The following TTBK1 variants were observed in gnomAD, a reference collection of about 807,000 sequenced individuals.
The protein encoded by TTBK1 is tau tubulin kinase 1, also known as tau-tubulin kinase 1.
In TTBK1, 34 loss-of-function variants were observed where a neutral mutation model predicts 108.5. The ratio of observed to expected loss-of-function variants is 0.31; its 90% CI spans 0.24 to 0.42. The LOEUF (loss-of-function observed/expected upper bound fraction) is 0.42. Ranked by LOEUF, TTBK1 falls within the 10% of genes least tolerant of loss-of-function variation. TTBK1 has a pLI of 1.00. For synonymous variants in TTBK1, 809 were observed against 795.1 expected, an observed-to-expected ratio of 1.02 and a Z score of -0.29; for missense variants, 1,539 against 1,826.0, an observed-to-expected ratio of 0.84 and a Z score of 2.86.
In TTBK1 at chr6:43,253,359, C is replaced by A. The variant is rs1777298227; in HGVS notation, c.325C>A (p.Leu109Ile). The A allele has an allele frequency of 6.2e-7, 1 of 1,614,108 alleles. No individual in the cohort carries two copies. Among genetic ancestry groups the A allele is most frequent in the South Asian group, 1.1e-5 (1 of 91,082 alleles). Residue 109 changes from leucine to isoleucine, a missense_variant, in exon 4 of 15, where the codon CTC (leucine) becomes ATC (isoleucine). Around this residue, in one of 5 missense-constraint regions of TTBK1, gnomAD observed 155 missense variants for 348.5 expected, o/e 0.44. Coordinates refer to ENST00000259750, the MANE Select transcript of TTBK1 (RefSeq NM_032538.3). This position sits in a 1 kb window ranked among gnomAD's most constrained non-coding sequence, Gnocchi z 5.8. The stretch of plus-strand genomic sequence containing the variant: ...GAAGTTTAACTATGTAGTGATGCAG[C>A]TCCAGGTGAGTCCCCGTGGCCCATC... ...NEKFNYVVMQLQGRNLADLRR... is the reference protein window; with the variant it reads ...NEKFNYVVMQIQGRNLADLRR...
At chr6:43,284,709 G>A (rs190428606) in intron 14 of TTBK1, among the ~76,000 whole-genome samples, 126 of 152,280 alleles carry the variant, frequency 8.3e-4, no homozygotes, top group South Asian at 2.1e-3. Context: ...AGGTTAGAAT[G>A]CAAAATCCAT....
rs1322450885 is a variant in TTBK1 at position 43,255,562 on chromosome 6, G to A, written c.653G>A (p.Arg218His). The change falls in exon 8 of 15, where the codon CGC (arginine) becomes CAC (histidine). Residue 218 changes from arginine to histidine, a missense_variant. Around this residue, in one of 5 missense-constraint regions of TTBK1, gnomAD observed 155 missense variants for 348.5 expected, o/e 0.44. Coordinates refer to ENST00000259750, the MANE Select transcript of TTBK1 (RefSeq NM_032538.3). Reference protein sequence around the residue: ...VNAHKNREMGRHDDLWSLFYM... With the variant: ...VNAHKNREMGHHDDLWSLFYM... ...TCCCCCCACCTCCAGGAGATGGGCC[G>A]CCACGACGACCTGTGGTCCCTCTTC... 1 of 1,606,968 alleles carries A rather than the reference G, an allele frequency of 6.2e-7. No individual in the cohort carries two copies. Among genetic ancestry groups the A allele is most frequent in the Non-Finnish European group, 8.5e-7 (1 of 1,176,672 alleles).
rs373579078 is a variant in TTBK1 at position 43,284,178 on chromosome 6, C to T, written c.3438C>T (p.Ser1146=). Residue 1146 remains serine (S), a synonymous_variant, in exon 14 of 15, where the codon AGC becomes AGT. Transcript: ENST00000259750. ...SEPAAALPRK[S]GRAAATRSRI... Reference sequence around the variant, plus strand: ...CGGCAGCGGCCTTGCCCAGGAAGAGCGGGAGGGCAGCCGCCACCAGGAGCC... The same window carrying T: ...CGGCAGCGGCCTTGCCCAGGAAGAGTGGGAGGGCAGCCGCCACCAGGAGCC... 5.8e-5 allele frequency: 90 copies of T among 1,563,332 alleles called. No individual in the cohort carries two copies. Among genetic ancestry groups the T allele is most frequent in the East Asian group, 3.3e-4 (14 of 42,808 alleles).
chr6:43,247,204 CT>C (rs1439599810), intron 2 of TTBK1, among the ~76,000 whole-genome samples: 1 of 152,138 alleles, frequency 6.6e-6, no homozygotes, highest in Admixed American at 6.5e-5. Context: ...GCCCTGCAGG[CT>C]GCTCCCGCCG....
intron 13 of TTBK1, among the ~76,000 whole-genome samples, chr6:43,274,780 A>G (rs1777919823): frequency 6.6e-6 from 1 of 152,066 alleles, no homozygotes; most frequent in Non-Finnish European, 1.5e-5. Context: ...TCTGAGGGCC[A>G]CAACCCTCCC....
At position 43,285,297 on chromosome 6, in the gene TTBK1, C is replaced by G; in HGVS notation, c.3887C>G (p.Pro1296Arg). 7.7e-7 allele frequency: 1 copy of G among 1,294,802 alleles called. No individual in the cohort carries two copies. The highest frequency in any genetic ancestry group is 9.7e-7 in the Non-Finnish European group (1 of 1,025,890). 80.2% of individuals were successfully genotyped at this position (1,294,802 alleles called of 1,614,324 possible). A position where few individuals can be genotyped will look rare whatever the true frequency, so the allele number is the denominator to read the frequency against. The part of the protein sequence containing the change: ...TPSPGGSKKG[P>R]RGKLQAQRAT... Reference sequence around the variant, plus strand: ...TCCCCCGGGGGCTCCAAGAAAGGACCCAGAGGGAAACTCCAGGCTCAGCGC... The same window carrying G: ...TCCCCCGGGGGCTCCAAGAAAGGACGCAGAGGGAAACTCCAGGCTCAGCGC... The change falls in exon 15 of 15, where the codon CCC becomes CGC. Residue 1296 changes from proline (P) to arginine (R), a missense_variant. Pro to Arg is a moderately radical substitution (Grantham distance 103). Coordinates refer to ENST00000259750, the MANE Select transcript of TTBK1 (RefSeq NM_032538.3). The surrounding 1 kb of genome is among the most constrained non-coding windows in gnomAD (Gnocchi z 4.7).
At chr6:43,280,085 TG>T (rs1370249755) in intron 13 of TTBK1, among the ~76,000 whole-genome samples, 2 of 140,332 alleles carry the variant, frequency 1.4e-5, no homozygotes, top group Non-Finnish European at 3.3e-5. Flanking sequence ...ACAGGGTTGC[TG>T]GGGTCCTGCT....
chr6:43,266,906 G>A lies in TTBK1; in HGVS notation c.1986+3556G>A, dbSNP rs181205274. Among the ~76,000 whole-genome samples the A allele has an allele frequency of 1.8e-4, 28 of 152,206 alleles. No individual in the cohort carries two copies. In the East Asian group the frequency reaches 3.7e-3, roughly 20 times the overall value. The stretch of plus-strand genomic sequence containing the variant: ...GCTGGGATTACAGGCGTGAGCCATC[G>A]CGCCCAGCCTGAGGTCTGTGAGTTT... On this transcript the variant is annotated intron_variant, in intron 13 of 14. Transcript: ENST00000259750.
chr6:43,271,941 G>T, intron 13 of TTBK1: 1 of 981,750 alleles, frequency 1.0e-6, no homozygotes, highest in Non-Finnish European at 1.2e-6. Context: ...CCTCTGGGCT[G>T]TTTTGGATGG....
In TTBK1 at chr6:43,276,975, A is replaced by G. The variant is rs1778017132; in HGVS notation, c.1987-5752A>G. ...GAGTGGACTCTGGTCTCTGGGACTC[A>G]GCTCCAAATTGCCAACTTCCGGGTG... On this transcript the variant is annotated intron_variant, in intron 13 of 14. Coordinates refer to ENST00000259750, the MANE Select transcript of TTBK1 (RefSeq NM_032538.3). This position sits in a 1 kb window ranked among gnomAD's most constrained non-coding sequence, Gnocchi z 5.4. Among the ~76,000 whole-genome samples, 1 of 152,152 alleles carries G rather than the reference A, an allele frequency of 6.6e-6. No homozygotes were observed. The highest frequency in any genetic ancestry group is 6.5e-5 in the Admixed American group (1 of 15,280).
At chr6:43,279,757 T>TG (rs201360759) in intron 13 of TTBK1, among the ~76,000 whole-genome samples, 30,118 of 142,528 alleles carry the variant, frequency 0.21, 3,233 homozygotes, top group African/African-American at 0.35. Flanking sequence ...GGACAAAGTT[T>TG]TTTGTTGTTG....
At chr6:43,277,858 G>A (rs1778050118) in intron 13 of TTBK1, among the ~76,000 whole-genome samples, 1 of 152,232 alleles carries the variant, frequency 6.6e-6, no homozygotes, top group Non-Finnish European at 1.5e-5. Context: ...GGTGTTGGGG[G>A]TGCTTCTTCC....
Position 43,282,930 on chromosome 6 carries a change from T to A in TTBK1, c.2190T>A (p.Asn730Lys). The change falls in exon 14 of 15, where the codon AAT becomes AAA. Residue 730 changes from asparagine (N) to lysine (K), a missense_variant. This residue lies in a region of TTBK1 where 1,055 missense variants were observed against 1,086.5 expected (regional missense o/e 0.97). Transcript: ENST00000259750. This position sits in a 1 kb window ranked among gnomAD's most constrained non-coding sequence, Gnocchi z 5.4. Reference protein sequence around the residue: ...VPLAPVQPQANGKEEEEEEEE... With the variant: ...VPLAPVQPQAKGKEEEEEEEE... ...TGGCTCCTGTTCAGCCTCAGGCTAA[T>A]GGGAAGGAGGAAGAGGAGGAGGAGG... 1 of 1,611,906 alleles carries A rather than the reference T, an allele frequency of 6.2e-7. No individual in the cohort carries two copies. The highest frequency in any genetic ancestry group is 8.5e-7 in the Non-Finnish European group (1 of 1,179,390).
At chr6:43,262,763 G>C in intron 12 of TTBK1, 26 bp from the exon 13 acceptor site, 2 of 1,513,372 alleles carry the variant, frequency 1.3e-6, no homozygotes, top group Non-Finnish European at 1.8e-6. Context: ...GCCAGGTATT[G>C]AGCCCCGTGA....
chr6:43,259,480 G>C lies in TTBK1; in HGVS notation c.1249-51G>C, dbSNP rs569542690. 2.0e-6 allele frequency: 3 copies of C among 1,505,770 alleles called. No individual in the cohort carries two copies. Among genetic ancestry groups the C allele is most frequent in the African/African-American group, 2.8e-5 (2 of 71,524 alleles). 93.3% of individuals were successfully genotyped at this position (1,505,770 alleles called of 1,614,324 possible). A position where few individuals can be genotyped will look rare whatever the true frequency, so the allele number is the denominator to read the frequency against. On this transcript the variant is annotated intron_variant, in intron 11 of 14. Transcript: ENST00000259750. The surrounding 1 kb of genome is among the most constrained non-coding windows in gnomAD (Gnocchi z 6.7). ...CTCCTTCACCCTGAGGAGACCATCC[G>C]CCCACAGCCGCCTCATCAGCCCCAG...
At chr6:43,279,133 G>A (rs1440976851) in intron 13 of TTBK1, among the ~76,000 whole-genome samples, 1 of 152,142 alleles carries the variant, frequency 6.6e-6, no homozygotes, top group Non-Finnish European at 1.5e-5. Flanking sequence ...ACTGATCATT[G>A]ATTTCCAGTT....
chr6:43,244,123 G>A (rs1180435886), intron 1 of TTBK1, among the ~76,000 whole-genome samples: 1 of 151,936 alleles, frequency 6.6e-6, no homozygotes, highest in African/African-American at 2.4e-5. Context: ...TCCCTCCCAT[G>A]GTCCTATCTC....
intron 13 of TTBK1, chr6:43,271,673 C>G (rs1344378975): frequency 5.1e-6 from 5 of 985,252 alleles, no homozygotes; most frequent in Non-Finnish European, 6.0e-6. Context: ...ACACAGAGGG[C>G]CACCATTGTG....
In TTBK1 at chr6:43,288,033, G is replaced by A. The variant is rs373867760; in HGVS notation, c.*2657G>A. The A allele has an allele frequency of 1.3e-5, 2 of 152,734 alleles. No homozygotes were observed. The highest frequency in any genetic ancestry group is 4.8e-5 in the African/African-American group (2 of 41,566). 9.5% of individuals were successfully genotyped at this position (152,734 alleles called of 1,614,324 possible). A position where few individuals can be genotyped will look rare whatever the true frequency, so the allele number is the denominator to read the frequency against. On this transcript the variant is annotated 3_prime_UTR_variant, in exon 15 of 15. Transcript: ENST00000259750. The surrounding 1 kb of genome is among the most constrained non-coding windows in gnomAD (Gnocchi z 4.4). ...GACCAGCCCTGGTGGGCATGGGGTG[G>A]GGAGCAGGGAGTTGCCCTTCCCCTC...
Sources: gnomAD v4.1 joint callset for allele counts (sites outside exome capture counted in the v4.1 genomes callset) on GRCh38, gnomAD v4.1.1 for gene constraint, gnomAD v4.1.1 regional missense constraint, Gnocchi (gnomAD v3.1) non-coding constraint, MANE v1.5 for transcripts, NCBI Gene and HGNC (gene_info 2026-07-23, HGNC 2026-07-21) for gene names.